The following MSN variants were observed in gnomAD, a reference collection of about 807,000 sequenced individuals.
MSN encodes epididymis luminal protein 70.
In MSN, 2 loss-of-function variants were observed where a neutral mutation model predicts 48.0. The observed-to-expected ratio is 0.04, with a 90% CI of 0.02 to 0.13. MSN has a LOEUF of 0.13. MSN is among the 10% of genes least tolerant of loss of function. The pLI, the probability that MSN is intolerant of heterozygous loss-of-function variation, is 1.00. For missense variants in MSN, 267 were observed against 470.1 expected, an observed-to-expected ratio of 0.57 and a Z score of 3.99; for synonymous variants, 146 against 166.9, an observed-to-expected ratio of 0.87 and a Z score of 0.97.
Position 65,682,118 on chromosome X carries a change from A to G in MSN, c.12+14265A>G, listed in dbSNP as rs2071062266. On this transcript the variant is annotated intron_variant, in intron 1 of 12. Coordinates refer to ENST00000360270, the MANE Select transcript of MSN (RefSeq NM_002444.3). ...AGGGTTTCTTAACATCCCTTTAGCT[A>G]TAGGTAGAAGTGTAGAAGCTGCAGT... Among the ~76,000 whole-genome samples the G allele has an allele frequency of 2.7e-5, 3 of 111,636 alleles. No homozygotes were observed. The South Asian group carries it at 1.1e-3, about 42-fold the overall frequency.
At chrX:65,731,707 C>T (rs1392375693) in intron 5 of MSN, 131 bp from the exon 6 acceptor site, 2 of 722,023 alleles carry the variant, frequency 2.8e-6, no homozygotes. Flanking sequence ...CCATCATCTG[C>T]TTGCCTTTTG....
rs978726018 is a variant in MSN at position 65,690,585 on chromosome X, T to A, written c.12+22732T>A. Among the ~76,000 whole-genome samples, 3 of 111,400 alleles carry A rather than the reference T, an allele frequency of 2.7e-5. No individual in the cohort carries two copies. In the South Asian group the frequency reaches 1.1e-3, roughly 42 times the overall value. On this transcript the variant is annotated intron_variant, in intron 1 of 12. Transcript: ENST00000360270. The stretch of plus-strand genomic sequence containing the variant: ...GAGTAATGCTGTGGGCATCAAGACA[T>A]TCAGTTAGTGGGAACATTATAGGGA...
chrX:65,639,094 T>G (rs770271627), intron 1 of MSN, among the ~76,000 whole-genome samples: 2 of 112,477 alleles, frequency 1.8e-5, no homozygotes, highest in Admixed American at 9.5e-5. Flanking sequence ...TATTATAAGC[T>G]TCATTTTTCA....
chrX:65,701,109 T>C (rs1364080948), intron 1 of MSN, among the ~76,000 whole-genome samples: 1 of 112,285 alleles, frequency 8.9e-6, no homozygotes, highest in East Asian at 2.8e-4. Flanking sequence ...GCTCCTTGCC[T>C]GAAAGTTCTT....
At chrX:65,718,701 C>A (rs2071489049) in intron 2 of MSN, among the ~76,000 whole-genome samples, 1 of 108,801 alleles carries the variant, frequency 9.2e-6, no homozygotes, top group African/African-American at 3.4e-5. Flanking sequence ...ACCTATAGTC[C>A]CAGCTACTCA....
At chrX:65,688,859 T>C (rs1214607781) in intron 1 of MSN, among the ~76,000 whole-genome samples, 2 of 112,054 alleles carry the variant, frequency 1.8e-5, no homozygotes, top group African/African-American at 6.5e-5. Context: ...TCAAGGCTAA[T>C]TGTGCTTTCC....
intron 1 of MSN, among the ~76,000 whole-genome samples, chrX:65,643,118 T>G (rs1332672822): frequency 1.8e-5 from 2 of 111,407 alleles, no homozygotes; most frequent in Non-Finnish European, 3.8e-5. Flanking sequence ...TTAGGGTGAA[T>G]AGGTAGGTGG....
chrX:65,593,136 G>A (rs1446197295), intron 1 of MSN: 2 of 110,310 alleles, frequency 1.8e-5, no homozygotes, highest in Non-Finnish European at 3.8e-5. Flanking sequence ...CCCAATCCCC[G>A]CTGCTACCTT....
chrX:65,655,390 A>G (rs1414514566), intron 1 of MSN, among the ~76,000 whole-genome samples: 2 of 112,091 alleles, frequency 1.8e-5, no homozygotes, highest in Non-Finnish European at 3.8e-5. Context: ...CTTGGTAGTG[A>G]ATGACATAAT....
intron 1 of MSN, among the ~76,000 whole-genome samples, chrX:65,688,298 G>A (rs184597345): frequency 1.8e-3 from 198 of 111,780 alleles, no homozygotes; most frequent in African/African-American, 5.5e-3. Flanking sequence ...GCCTAGTCGC[G>A]AACTCCTGGG....
chrX:65,647,627 T>G (rs1204584247), intron 1 of MSN, among the ~76,000 whole-genome samples: 1 of 112,191 alleles, frequency 8.9e-6, no homozygotes, highest in Non-Finnish European at 1.9e-5. Context: ...GTTAACTAGG[T>G]AAATGGTGAA....
At chrX:65,591,956 T>C (rs2070150348) in intron 1 of MSN, among the ~76,000 whole-genome samples, 1 of 110,196 alleles carries the variant, frequency 9.1e-6, no homozygotes, top group Non-Finnish European at 1.9e-5. Context: ...TCTGTGGGTA[T>C]TGATAGTTAA....
chrX:65,632,418 T>C (rs902380463), intron 1 of MSN, among the ~76,000 whole-genome samples: 3 of 112,505 alleles, frequency 2.7e-5, no homozygotes, highest in Non-Finnish European at 5.6e-5. Flanking sequence ...TGATCCAATC[T>C]GTGGTATGCT....
At chrX:65,642,278 T>A (rs1452263100) in intron 1 of MSN, among the ~76,000 whole-genome samples, 1 of 110,757 alleles carries the variant, frequency 9.0e-6, no homozygotes, top group Non-Finnish European at 1.9e-5. Context: ...TTAATTGGCA[T>A]GCAAAGATGC....
intron 1 of MSN, among the ~76,000 whole-genome samples, chrX:65,601,609 T>G (rs189925739): frequency 1.8e-5 from 2 of 111,853 alleles, no homozygotes; most frequent in Non-Finnish European, 3.8e-5. Flanking sequence ...TTGGAGAAGC[T>G]CCCCATTTCT....
chrX:65,713,057 C>T (rs921202160), intron 1 of MSN, among the ~76,000 whole-genome samples: 2 of 111,393 alleles, frequency 1.8e-5, no homozygotes, highest in Non-Finnish European at 3.8e-5. Flanking sequence ...TGAGGTAGTA[C>T]ATATGAAGTG....
chrX:65,672,482 T>A (rs2070951853), intron 1 of MSN, among the ~76,000 whole-genome samples: 1 of 111,746 alleles, frequency 8.9e-6, no homozygotes, highest in African/African-American at 3.3e-5. Flanking sequence ...CCATCCCTCC[T>A]TCCATTTCAT....
intron 1 of MSN, among the ~76,000 whole-genome samples, chrX:65,678,414 C>T (rs1185838174): frequency 9.0e-6 from 1 of 111,699 alleles, no homozygotes; most frequent in Non-Finnish European, 1.9e-5. Context: ...TCCTCTACAG[C>T]TTCTTACCTA....
chrX:65,735,224 A>G, intron 7 of MSN, 43 bp from the exon 8 acceptor site: 1 of 1,194,546 alleles, frequency 8.4e-7, no homozygotes, highest in East Asian at 3.0e-5. Flanking sequence ...GATCACCTTC[A>G]CCTGTCCCTC....
Sources: gnomAD v4.1 joint callset for allele counts (sites outside exome capture counted in the v4.1 genomes callset) on GRCh38, gnomAD v4.1.1 for gene constraint, MANE v1.5 for transcripts, NCBI Gene and HGNC (gene_info 2026-07-23, HGNC 2026-07-21) for gene names.